Variants in KCTD3 observed in about 807,000 individuals in gnomAD.
KCTD3 encodes potassium channel tetramerization domain containing 3.
Under a neutral mutation model 85.8 loss-of-function variants are expected in KCTD3, and 41 were observed. The ratio of observed to expected loss-of-function variants is 0.48; its 90% CI spans 0.37 to 0.62. The LOEUF (loss-of-function observed/expected upper bound fraction) is 0.62, where lower values mean the gene tolerates loss of function less well. Ranked by LOEUF, KCTD3 falls within the 20% of genes least tolerant of loss-of-function variation. The pLI is 0.00. For synonymous variants in KCTD3, 338 were observed against 345.4 expected (o/e 0.98, Z 0.24); for missense variants, 724 against 989.9 (o/e 0.73, Z 3.60).
At chr1:215,580,892 G>C in intron 8 of KCTD3, 2 of 420,410 alleles carry the variant, frequency 4.8e-6, no homozygotes, top group Admixed American at 5.6e-5. Context: ...GGCATGTCTG[G>C]TAAGTGCTGT....
In KCTD3 at chr1:215,578,994, TTA is replaced by T; in HGVS notation, c.398-3_398-2del. The T allele has an allele frequency of 6.5e-7, 1 of 1,537,078 alleles. No individual in the cohort carries two copies. The highest frequency in any genetic ancestry group is 1.2e-5 in the South Asian group (1 of 82,154). On this transcript the variant is annotated splice_region_variant and splice_polypyrimidine_tract_variant and intron_variant, in intron 6 of 17. Coordinates refer to ENST00000259154, the MANE Select transcript of KCTD3 (RefSeq NM_016121.5). ...GAATGTATTTGTTTTCTTCTTCTCT[TTA>T]TAGGTATTCCTAGTCGTAAAATAAA...
chr1:215,580,072 G>C (rs1659758421), intron 8 of KCTD3, 73 bp downstream of exon 8: 3 of 1,010,098 alleles, frequency 3.0e-6, no homozygotes, highest in Admixed American at 2.0e-5. Context: ...TATATTTTTA[G>C]ATTGAAAAGC....
At chr1:215,572,093 ATC>A (rs1004530756) in intron 1 of KCTD3, among the ~76,000 whole-genome samples, 2 of 152,246 alleles carry the variant, frequency 1.3e-5, no homozygotes, top group Non-Finnish European at 2.9e-5. Flanking sequence ...GTTTAGTGAC[ATC>A]TGTGTGTCAA....
intron 15 of KCTD3, among the ~76,000 whole-genome samples, chr1:215,616,689 G>A (rs1655463576): frequency 6.6e-6 from 1 of 152,282 alleles, no homozygotes; most frequent in East Asian, 1.9e-4. Context: ...GAACCCAGGA[G>A]GCAGAGGTTG....
chr1:215,577,775 G>A (rs779800518), intron 5 of KCTD3, 47 bp downstream of exon 5: 2 of 1,395,932 alleles, frequency 1.4e-6, no homozygotes, highest in Non-Finnish European at 2.0e-6. Context: ...ACTCATGTAT[G>A]AAAGTTGCCC....
Position 215,618,534 on chromosome 1 carries a change from A to G in KCTD3, c.1563-352A>G, listed in dbSNP as rs558604409. The G allele has an allele frequency of 6.6e-5, 12 of 183,028 alleles. No homozygotes were observed. The South Asian group carries it at 1.1e-3, about 17-fold the overall frequency. 11.3% of individuals were successfully genotyped at this position (183,028 alleles called of 1,614,324 possible). A position where few individuals can be genotyped will look rare whatever the true frequency, so the allele number is the denominator to read the frequency against. ...CAGTTAGCCCTTACGTGACTTTGGA[A>G]CAATCATTTGCTGATGTTATCCCAT... On this transcript the variant is annotated intron_variant, in intron 15 of 17. Transcript: ENST00000259154.
chr1:215,614,491 T>G (rs1169042032), intron 15 of KCTD3, among the ~76,000 whole-genome samples: 1 of 152,240 alleles, frequency 6.6e-6, no homozygotes, highest in African/African-American at 2.4e-5. Context: ...GTCTGCTTTC[T>G]TCGAGCAGTG....
chr1:215,575,252 A>AAAAC (rs1213834786), intron 3 of KCTD3, among the ~76,000 whole-genome samples: 3 of 152,176 alleles, frequency 2.0e-5, no homozygotes, highest in South Asian at 2.1e-4. Flanking sequence ...ATGCTGTCTC[A>AAAAC]AAACAAACAA....
intron 15 of KCTD3, among the ~76,000 whole-genome samples, chr1:215,613,008 AGC>A (rs1655288520): frequency 6.6e-6 from 1 of 152,142 alleles, no homozygotes; most frequent in Non-Finnish European, 1.5e-5. Flanking sequence ...GGAGAGAGAG[AGC>A]ATCAGGAAGA....
intron 13 of KCTD3, 69 bp downstream of exon 13, chr1:215,604,371 C>A: frequency 8.0e-7 from 1 of 1,251,766 alleles, no homozygotes; most frequent in Non-Finnish European, 1.1e-6. Context: ...AGAATGAAAA[C>A]GCAGTGTTTA....
At chr1:215,577,055 T>G (rs1659615404) in intron 4 of KCTD3, among the ~76,000 whole-genome samples, 2 of 152,280 alleles carry the variant, frequency 1.3e-5, no homozygotes, top group South Asian at 2.1e-4. Context: ...TTTTAAAAAT[T>G]TTATTTCATG....
intron 9 of KCTD3, among the ~76,000 whole-genome samples, chr1:215,593,790 T>C (rs1205854580): frequency 6.6e-6 from 1 of 152,036 alleles, no homozygotes; most frequent in Non-Finnish European, 1.5e-5. Context: ...GATAAAAATA[T>C]ATTTCCCATA....
intron 8 of KCTD3, among the ~76,000 whole-genome samples, chr1:215,582,892 T>A (rs1412423317): frequency 6.6e-6 from 1 of 152,204 alleles, no homozygotes; most frequent in Non-Finnish European, 1.5e-5. Flanking sequence ...GTATTACTTG[T>A]ATGGAAAGTT....
intron 15 of KCTD3, among the ~76,000 whole-genome samples, chr1:215,612,915 A>G (rs1277532061): frequency 2.0e-5 from 3 of 152,116 alleles, no homozygotes; most frequent in Non-Finnish European, 2.9e-5. Context: ...GCATTAAACA[A>G]ATTTTTTTGA....
At chr1:215,582,193 AATTT>A (rs985465070) in intron 8 of KCTD3, among the ~76,000 whole-genome samples, 3 of 152,198 alleles carry the variant, frequency 2.0e-5, no homozygotes, top group African/African-American at 7.2e-5. Context: ...ATGTTCTGAC[AATTT>A]ATTACGTAAA....
Position 215,579,130 on chromosome 1 carries a change from T to C in KCTD3, c.528T>C (p.Val176=). The change falls in exon 7 of 18, where the codon GTT becomes GTC. Residue 176 remains valine, a synonymous_variant. Transcript: ENST00000259154. ...TCTCTGGAACGGGAGAAGAAACTGT[T>C]AGGCTAGGTAAGCAAAGATTACAGA... ...PVLSGTGEET[V]RLGFPVDPRK... is the part of the protein sequence containing the mutation. 1 of 1,610,464 alleles carries C rather than the reference T, an allele frequency of 6.2e-7. No homozygotes were observed. Among genetic ancestry groups the C allele is most frequent in the Non-Finnish European group, 8.5e-7 (1 of 1,178,386 alleles).
intron 14 of KCTD3, among the ~76,000 whole-genome samples, chr1:215,610,780 G>T (rs1331167632): frequency 6.6e-6 from 1 of 151,748 alleles, no homozygotes; most frequent in Admixed American, 6.6e-5. Flanking sequence ...TTTTTCATCT[G>T]TAAAATGGAG....
intron 6 of KCTD3, 111 bp from the exon 7 acceptor site, chr1:215,578,889 G>A: frequency 1.7e-6 from 1 of 599,796 alleles, no homozygotes. Flanking sequence ...ATTGGAAGAT[G>A]TATTTCGGCT....
chr1:215,577,904 T>C, intron 5 of KCTD3, 97 bp from the exon 6 acceptor site: 7 of 1,538,454 alleles, frequency 4.6e-6, no homozygotes, highest in Non-Finnish European at 6.2e-6. Context: ...AATTTTCCTT[T>C]TCTTTCCTTA....
Sources: allele counts gnomAD v4.1 joint callset (sites outside exome capture counted in the v4.1 genomes callset), GRCh38; gene constraint gnomAD v4.1.1; transcripts MANE v1.5; gene names NCBI Gene and HGNC (gene_info 2026-07-23, HGNC 2026-07-21).